CFTR: variants seen among roughly 807,000 people sequenced by gnomAD.
The protein encoded by CFTR is CF transmembrane conductance regulator.
In CFTR, 181 loss-of-function variants were observed where a neutral mutation model predicts 171.6. The observed-to-expected ratio is 1.05, with a 90% CI of 0.93 to 1.19. The LOEUF is 1.19. Among genes scored for constraint, CFTR ranks in the 50% most tolerant of loss-of-function variants. The pLI, the probability that CFTR is intolerant of heterozygous loss-of-function variation, is 0.00. For missense variants in CFTR, 1,968 were observed against 1,734.7 expected, an observed-to-expected ratio of 1.13 and a Z score of -2.39; for synonymous variants, 583 against 608.0, an observed-to-expected ratio of 0.96 and a Z score of 0.60.
At chr7:117,618,188 C>T (rs540615664) in intron 21 of CFTR, among the ~76,000 whole-genome samples, 1 of 152,288 alleles carries the variant, frequency 6.6e-6, no homozygotes, top group African/African-American at 2.4e-5. Context: ...GTTCTACTGA[C>T]ACTCTCTAGC....
At chr7:117,525,951 T>A (rs1266459180) in intron 3 of CFTR, among the ~76,000 whole-genome samples, 1 of 149,852 alleles carries the variant, frequency 6.7e-6, no homozygotes, top group Non-Finnish European at 1.5e-5. Context: ...ATTTTGCTCA[T>A]TAGTTGATGC....
chr7:117,574,720 A>G (rs1791746814), intron 11 of CFTR, among the ~76,000 whole-genome samples: 1 of 152,120 alleles, frequency 6.6e-6, no homozygotes, highest in South Asian at 2.1e-4. Flanking sequence ...GACAATCGCT[A>G]TTATGAATTT....
chr7:117,646,710 C>A (rs1793001200), intron 23 of CFTR, among the ~76,000 whole-genome samples: 1 of 151,928 alleles, frequency 6.6e-6, no homozygotes, highest in South Asian at 2.1e-4. Context: ...AGGAAACTCT[C>A]CAGCTATGAA....
At position 117,590,440 on chromosome 7, in the gene CFTR, G is replaced by A. The variant is rs121908748; in HGVS notation, c.1766+1G>A. The A allele has an allele frequency of 1.0e-4, 166 of 1,600,060 alleles. No homozygotes were observed. Among genetic ancestry groups the A allele is most frequent in the Non-Finnish European group, 1.4e-4 (163 of 1,170,482 alleles). On this transcript the variant is annotated splice_donor_variant, in intron 13 of 26. Transcript: ENST00000003084. LOFTEE classifies it high-confidence loss of function. ...TAACAGAAAAAGAAATATTTGAAAG[G>A]TATGTTCTTTGAATACCTTACTTAT...
At chr7:117,480,499 T>A (rs1268194425) in intron 1 of CFTR, among the ~76,000 whole-genome samples, 2 of 152,228 alleles carry the variant, frequency 1.3e-5, no homozygotes, top group African/African-American at 4.8e-5. Context: ...TCCCCCTTCA[T>A]GCCTTGGACA....
chr7:117,529,716 T>C (rs1478650833), intron 3 of CFTR, among the ~76,000 whole-genome samples: 2 of 152,034 alleles, frequency 1.3e-5, no homozygotes, highest in Non-Finnish European at 2.9e-5. Flanking sequence ...TTGAGAATGA[T>C]GGGGCTGGAG....
chr7:117,487,346 G>T (rs1798090980), intron 1 of CFTR, among the ~76,000 whole-genome samples: 1 of 152,036 alleles, frequency 6.6e-6, no homozygotes, highest in South Asian at 2.1e-4. Flanking sequence ...GGACAGTACT[G>T]GTTAAATTCT....
At chr7:117,605,097 G>A (rs1792282304) in intron 17 of CFTR, 2 of 152,172 alleles carry the variant, frequency 1.3e-5, no homozygotes, top group South Asian at 4.1e-4. Flanking sequence ...GTTCCCCGTG[G>A]TTCCCTTCTG....
intron 24 of CFTR, among the ~76,000 whole-genome samples, chr7:117,659,955 C>T (rs1157293838): frequency 2.0e-5 from 3 of 151,752 alleles, no homozygotes; most frequent in Non-Finnish European, 4.4e-5. Context: ...AGAGCAAACT[C>T]TTGCTCCATA....
chr7:117,499,830 A>G (rs1174490477), intron 1 of CFTR, among the ~76,000 whole-genome samples: 1 of 152,092 alleles, frequency 6.6e-6, no homozygotes, highest in Admixed American at 6.6e-5. Context: ...TAAGAAAGAA[A>G]GAAATAGCCA....
chr7:117,548,641 G>A lies in CFTR; in HGVS notation c.1210G>A (p.Gly404Arg). ...MENVTAFWEE[G>R]FGELFEKAKQ... The stretch of plus-strand genomic sequence containing the variant: ...GTGTGTGTGTGTGTTTTTTTAACAG[G>A]GATTTGGGGAATTATTTGAGAAAGC... The change falls in exon 10 of 27, where the codon GGA becomes AGA. Residue 404 changes from glycine (G) to arginine (R), a missense_variant and splice_region_variant. Physicochemically the swap from Gly to Arg is moderately radical, Grantham distance 125 (BLOSUM62 -2). Coordinates refer to ENST00000003084, the MANE Select transcript of CFTR (RefSeq NM_000492.4). 6.2e-7 allele frequency: 1 copy of A among 1,611,604 alleles called. No homozygotes were observed. The highest frequency in any genetic ancestry group is 1.1e-5 in the South Asian group (1 of 90,900).
chr7:117,639,704 T>C (rs1339034521), intron 22 of CFTR, among the ~76,000 whole-genome samples: 1 of 152,176 alleles, frequency 6.6e-6, no homozygotes, highest in East Asian at 1.9e-4. Flanking sequence ...CTTGTTTGCT[T>C]TGTTAAACAC....
chr7:117,627,708 T>C lies in CFTR; in HGVS notation c.3655T>C (p.Tyr1219His), dbSNP rs769032865. The C allele has an allele frequency of 6.2e-7, 1 of 1,613,282 alleles. No individual in the cohort carries two copies. The highest frequency in any genetic ancestry group is 1.1e-5 in the South Asian group (1 of 91,054). Reference protein sequence around the residue: ...QMTVKDLTAKYTEGGNAILEN... With the variant: ...QMTVKDLTAKHTEGGNAILEN... ...GACTGTCAAAGATCTCACAGCAAAA[T>C]ACACAGAAGGTGGAAATGCCATATT... The change falls in exon 22 of 27, where the codon TAC becomes CAC. Residue 1219 changes from tyrosine to histidine, a missense_variant. Transcript: ENST00000003084.
chr7:117,543,962 G>A (rs942070082), intron 9 of CFTR, among the ~76,000 whole-genome samples: 4 of 152,154 alleles, frequency 2.6e-5, no homozygotes, highest in African/African-American at 7.2e-5. Context: ...TGGAAATGTT[G>A]CACTCTGAAA....
At position 117,559,452 on chromosome 7, in the gene CFTR, T is replaced by C. The variant is rs1337568710; in HGVS notation, c.1393-12T>C. 6.3e-7 allele frequency: 1 copy of C among 1,575,976 alleles called. No individual in the cohort carries two copies. Among genetic ancestry groups the C allele is most frequent in the East Asian group, 2.2e-5 (1 of 44,602 alleles). On this transcript the variant is annotated splice_polypyrimidine_tract_variant and intron_variant, in intron 10 of 26. Transcript: ENST00000003084. The stretch of plus-strand genomic sequence containing the variant: ...TTGATAATGACCTAATAATGATGGG[T>C]TTTATTTCCAGACTTCACTTCTAAT...
At chr7:117,549,100 CTT>C (rs1485272466) in intron 10 of CFTR, among the ~76,000 whole-genome samples, 14 of 152,238 alleles carry the variant, frequency 9.2e-5, no homozygotes, top group Non-Finnish European at 1.6e-4. Context: ...CATTCAATAA[CTT>C]TATTGAATAA....
chr7:117,499,872 T>A (rs1225525971), intron 1 of CFTR, among the ~76,000 whole-genome samples: 1 of 152,090 alleles, frequency 6.6e-6, no homozygotes, highest in African/African-American at 2.4e-5. Flanking sequence ...AGTAGACCAA[T>A]GTAAAAGTCT....
chr7:117,618,430 G>A (rs1177955720), intron 21 of CFTR, among the ~76,000 whole-genome samples: 3 of 151,680 alleles, frequency 2.0e-5, no homozygotes, highest in South Asian at 2.1e-4. Context: ...TCAGTGAGCC[G>A]AGATCCTGCC....
At chr7:117,574,669 A>C (rs1248972064) in intron 11 of CFTR, among the ~76,000 whole-genome samples, 1 of 152,104 alleles carries the variant, frequency 6.6e-6, no homozygotes, top group Non-Finnish European at 1.5e-5. Context: ...TTTTTACCCC[A>C]TTCTTCTTAC....
Sources: gnomAD v4.1 joint callset for allele counts (sites outside exome capture counted in the v4.1 genomes callset) on GRCh38, gnomAD v4.1.1 for gene constraint, MANE v1.5 for transcripts, NCBI Gene and HGNC (gene_info 2026-07-23, HGNC 2026-07-21) for gene names.